The following NSUN4 variants were observed in gnomAD, a reference collection of about 807,000 sequenced individuals.
NSUN4 encodes 5-cytosine rRNA methyltransferase NSUN4.
In NSUN4, 31 loss-of-function variants were observed where a neutral mutation model predicts 43.8. That is an observed-to-expected ratio of 0.71 (90% CI 0.53 to 0.96). The LOEUF is 0.96. NSUN4 is among the 40% of genes least tolerant of loss of function. The pLI, the probability that NSUN4 is intolerant of heterozygous loss-of-function variation, is 0.00. For synonymous variants in NSUN4, 167 were observed against 184.1 expected (o/e 0.91, Z 0.75); for missense variants, 439 against 475.6 (o/e 0.92, Z 0.72).
chr1:46,360,274 A>G (rs942565877), intron 4 of NSUN4, among the ~76,000 whole-genome samples: 1 of 96,220 alleles, frequency 1.0e-5, no homozygotes. Context: ...ATATATATAT[A>G]TATGTAAATT....
At chr1:46,352,428 G>A (rs1663067113) in intron 3 of NSUN4, among the ~76,000 whole-genome samples, 1 of 151,446 alleles carries the variant, frequency 6.6e-6, no homozygotes, top group Non-Finnish European at 1.5e-5. Context: ...CTCCAGCCTG[G>A]GCGACAGAAT....
In NSUN4 at chr1:46,343,060, A is replaced by G. The variant is rs1252976304; in HGVS notation, c.94-1741A>G. The G allele has an allele frequency of 2.3e-5, 9 of 399,510 alleles. No individual in the cohort carries two copies. The Admixed American group carries it at 3.1e-4, about 14-fold the overall frequency. The allele number at this position is 399,510 out of a possible 1,614,324, so 24.7% of individuals were successfully genotyped here. The stretch of plus-strand genomic sequence containing the variant: ...CTTCCTTGTGATCCTGTCTCGGCCA[A>G]TAGTTATGCTCAGAGCAGCCGCCAT... On this transcript the variant is annotated intron_variant, in intron 1 of 5. Coordinates refer to ENST00000474844, the MANE Select transcript of NSUN4 (RefSeq NM_199044.4).
chr1:46,368,908 C>G (rs1416146097), downstream of NSUN4, among the ~76,000 whole-genome samples: 1 of 152,144 alleles, frequency 6.6e-6, no homozygotes, highest in Non-Finnish European at 1.5e-5. Context: ...CCTTTGTTCT[C>G]TCTCCATTGC....
downstream of NSUN4, among the ~76,000 whole-genome samples, chr1:46,365,333 GTTTTC>G (rs1056055061): frequency 2.0e-5 from 3 of 151,946 alleles, no homozygotes; most frequent in Admixed American, 6.6e-5. Flanking sequence ...GTGAGTACGT[GTTTTC>G]TTTTCTTTTT....
At chr1:46,345,183 C>G in intron 2 of NSUN4, 39 bp downstream of exon 2, 1 of 1,471,806 alleles carries the variant, frequency 6.8e-7, no homozygotes, top group Non-Finnish European at 9.3e-7. Flanking sequence ...TCCTGAGTGT[C>G]TGCTGGAAGT....
At chr1:46,358,060 G>A (rs1377892293) in intron 4 of NSUN4, among the ~76,000 whole-genome samples, 5 of 151,966 alleles carry the variant, frequency 3.3e-5, no homozygotes, top group East Asian at 1.9e-4. Flanking sequence ...GATTACAGGC[G>A]CCCGCCACCA....
chr1:46,354,944 T>G (rs963133563), intron 4 of NSUN4, among the ~76,000 whole-genome samples: 1 of 152,210 alleles, frequency 6.6e-6, no homozygotes, highest in Non-Finnish European at 1.5e-5. Context: ...GTGCTGGGAT[T>G]ATAGGCGTGA....
chr1:46,380,072 G>A, the NSUN4 span, among the ~76,000 whole-genome samples: 1 of 152,100 alleles, frequency 6.6e-6, no homozygotes, highest in Admixed American at 6.5e-5. Flanking sequence ...GAAGAGAAAG[G>A]AAATGAAGAA....
chr1:46,359,859 C>G (rs909044520), intron 4 of NSUN4, among the ~76,000 whole-genome samples: 4 of 151,866 alleles, frequency 2.6e-5, no homozygotes, highest in African/African-American at 9.7e-5. Flanking sequence ...CAGAAGTGAC[C>G]AAATCATAAG....
chr1:46,365,922 G>C (rs1664124054), downstream of NSUN4, among the ~76,000 whole-genome samples: 1 of 152,086 alleles, frequency 6.6e-6, no homozygotes, highest in Non-Finnish European at 1.5e-5. Context: ...AAGGTCAGGA[G>C]TTCAAGACCA....
At chr1:46,378,941 T>C in the NSUN4 span, among the ~76,000 whole-genome samples, 4 of 152,210 alleles carry the variant, frequency 2.6e-5, no homozygotes, top group African/African-American at 9.6e-5. Context: ...ACAGTTCTCT[T>C]ACAGCCTGGG....
At chr1:46,371,571 T>G in the NSUN4 span, among the ~76,000 whole-genome samples, 2 of 152,062 alleles carry the variant, frequency 1.3e-5, no homozygotes, top group African/African-American at 2.4e-5. Flanking sequence ...CTCCCAAAGT[T>G]CTGTGATTAT....
At chr1:46,353,780 AGT>A (rs1663175647) in intron 4 of NSUN4, among the ~76,000 whole-genome samples, 1 of 142,006 alleles carries the variant, frequency 7.0e-6, no homozygotes, top group Non-Finnish European at 1.6e-5. Context: ...CCCAGCCGGT[AGT>A]ATATTATATT....
At chr1:46,356,685 C>T (rs1026711673) in intron 4 of NSUN4, among the ~76,000 whole-genome samples, 40 of 142,112 alleles carry the variant, frequency 2.8e-4, no homozygotes, top group African/African-American at 1.5e-4. Context: ...AGCGAGATTC[C>T]GTCTCAAAAA....
chr1:46,372,245 A>G, the NSUN4 span, among the ~76,000 whole-genome samples: 6 of 147,526 alleles, frequency 4.1e-5, no homozygotes, highest in African/African-American at 1.3e-4. Flanking sequence ...GGTTCATGCC[A>G]TTCTCCTGCC....
intron 4 of NSUN4, among the ~76,000 whole-genome samples, chr1:46,354,913 C>A (rs1663261341): frequency 6.6e-6 from 1 of 152,164 alleles, no homozygotes; most frequent in African/African-American, 2.4e-5. Flanking sequence ...TCAAGTGATC[C>A]ATTAGCCTCA....
downstream of NSUN4, among the ~76,000 whole-genome samples, chr1:46,366,268 A>T (rs571259344): frequency 6.6e-5 from 10 of 152,324 alleles, no homozygotes; most frequent in East Asian, 1.7e-3. Context: ...TAAAAAGAAC[A>T]TGTATGCAGT....
chr1:46,375,012 G>A, the NSUN4 span, among the ~76,000 whole-genome samples: 32 of 152,104 alleles, frequency 2.1e-4, no homozygotes, highest in African/African-American at 7.7e-4. Flanking sequence ...ACACCATAAA[G>A]ATATACAATT....
the NSUN4 span, among the ~76,000 whole-genome samples, chr1:46,377,195 G>A: frequency 6.6e-6 from 1 of 151,954 alleles, no homozygotes; most frequent in Non-Finnish European, 1.5e-5. Flanking sequence ...GATTACAGGT[G>A]TGTGCCACCA....
Sources: gnomAD v4.1 joint callset for allele counts (sites outside exome capture counted in the v4.1 genomes callset) on GRCh38, gnomAD v4.1.1 for gene constraint, MANE v1.5 for transcripts, NCBI Gene and HGNC (gene_info 2026-07-23, HGNC 2026-07-21) for gene names.